IGSF5: variants seen among roughly 807,000 people sequenced by gnomAD.
IGSF5 encodes the protein immunoglobulin superfamily member 5.
IGSF5 carries 41 observed loss-of-function variants against 39.4 expected under a neutral mutation model. That is an observed-to-expected ratio of 1.04 (90% CI 0.81 to 1.35). The LOEUF (loss-of-function observed/expected upper bound fraction) is 1.35, where lower values mean the gene tolerates loss of function less well. IGSF5 is among the 40% of genes most tolerant of loss of function. The pLI is 0.00. For missense variants in IGSF5, 487 were observed against 494.6 expected (o/e 0.98, Z 0.15); for synonymous variants, 183 against 175.3 (o/e 1.04, Z -0.34).
chr21:39,724,481 G>A, the IGSF5 span, among the ~76,000 whole-genome samples: 1 of 152,178 alleles, frequency 6.6e-6, no homozygotes, highest in African/African-American at 2.4e-5. Flanking sequence ...CTGTTCTTGT[G>A]ATAGTGAATA....
At chr21:39,776,224 A>G (rs1473432243) in intron 4 of IGSF5, among the ~76,000 whole-genome samples, 2 of 151,366 alleles carry the variant, frequency 1.3e-5, no homozygotes, top group Non-Finnish European at 1.5e-5. Flanking sequence ...AATATATATT[A>G]TATATGATAA....
At chr21:39,725,832 T>C in the IGSF5 span, 4 of 152,124 alleles carry the variant, frequency 2.6e-5, no homozygotes, top group Non-Finnish European at 1.5e-5. Flanking sequence ...GTTAATTGTG[T>C]TTTAGAGATC....
At chr21:39,774,908 A>G (rs4816657) in intron 4 of IGSF5, among the ~76,000 whole-genome samples, 1 of 152,028 alleles carries the variant, frequency 6.6e-6, no homozygotes, top group African/African-American at 2.4e-5. Flanking sequence ...AAGTCAGCAA[A>G]CTTCAGGGCT....
intron 6 of IGSF5, among the ~76,000 whole-genome samples, chr21:39,789,520 C>A (rs1472048846): frequency 6.6e-6 from 1 of 152,102 alleles, no homozygotes; most frequent in African/African-American, 2.4e-5. Context: ...ATAATCCAAC[C>A]CCACTTGCTT....
In IGSF5 at chr21:39,779,211, G is replaced by T; in HGVS notation, c.840G>T (p.Thr280=). Residue 280 remains threonine, a synonymous_variant, in exon 5 of 9, where the codon ACG becomes ACT. Coordinates refer to ENST00000380588, the MANE Select transcript of IGSF5 (RefSeq NM_001080444.2). ...GLAGTMLLTP[T]CTLTIRCCCC... ...CAGGCACCATGCTTCTGACGCCGACGTGTACTCTTACAATACGCTGCTGCT... is the reference window on the plus strand; with the variant it reads ...CAGGCACCATGCTTCTGACGCCGACTTGTACTCTTACAATACGCTGCTGCT... 6.2e-7 allele frequency: 1 copy of T among 1,614,116 alleles called. No individual in the cohort carries two copies. Among genetic ancestry groups the T allele is most frequent in the Non-Finnish European group, 8.5e-7 (1 of 1,180,020 alleles).
Position 39,765,580 on chromosome 21 carries a change from G to C in IGSF5, c.146G>C (p.Arg49Thr), listed in dbSNP as rs2205204. The change falls in exon 3 of 9, where the codon AGA becomes ACA. Residue 49 changes from arginine to threonine, a missense_variant. Transcript: ENST00000380588. ...NEVIEGPQNA[R>T]VLKGSQARFN... is the part of the protein sequence containing the mutation. ...GTCATAGAAGGCCCCCAAAATGCAAGAGTCCTGAAGGGCTCCCAGGCTCGC... is the reference window on the plus strand; with the variant it reads ...GTCATAGAAGGCCCCCAAAATGCAACAGTCCTGAAGGGCTCCCAGGCTCGC... 0.73 allele frequency: 1,176,505 copies of C among 1,613,162 alleles called. 432,969 individuals are homozygous for C. The highest frequency in any genetic ancestry group is 0.79 in the Admixed American group (47,096 of 59,974).
intron 1 of IGSF5, among the ~76,000 whole-genome samples, chr21:39,745,916 G>C (rs2079971910): frequency 6.6e-6 from 1 of 152,118 alleles, no homozygotes; most frequent in South Asian, 2.1e-4. Flanking sequence ...AATGTTACGG[G>C]GGGTGGGGGG....
the IGSF5 span, among the ~76,000 whole-genome samples, chr21:39,713,906 G>A: frequency 6.6e-6 from 1 of 152,192 alleles, no homozygotes; most frequent in African/African-American, 2.4e-5. Context: ...CAACATACTT[G>A]TTGCATTTTG....
chr21:39,735,400 A>G, the IGSF5 span, among the ~76,000 whole-genome samples: 1 of 152,266 alleles, frequency 6.6e-6, no homozygotes, highest in African/African-American at 2.4e-5. Context: ...AATAGTTGTT[A>G]TTTTCTTCTT....
upstream of IGSF5, among the ~76,000 whole-genome samples, chr21:39,743,513 T>C (rs916869885): frequency 4.6e-5 from 7 of 152,192 alleles, no homozygotes; most frequent in African/African-American, 1.7e-4. Context: ...TCCCGCTGCT[T>C]GGAGGGGGCA....
intron 1 of IGSF5, 91 bp from the exon 2 acceptor site, chr21:39,746,125 G>A (rs1166503187): frequency 1.3e-5 from 9 of 696,350 alleles, no homozygotes; most frequent in Non-Finnish European, 2.1e-5. Flanking sequence ...TGTTTAGCTC[G>A]ATTAGGATGA....
At chr21:39,723,076 G>T in the IGSF5 span, among the ~76,000 whole-genome samples, 2 of 152,190 alleles carry the variant, frequency 1.3e-5, no homozygotes, top group African/African-American at 4.8e-5. Context: ...AACATCACAC[G>T]TTTATTAGGT....
intron 2 of IGSF5, among the ~76,000 whole-genome samples, chr21:39,757,366 A>AT (rs34539484): frequency 0.82 from 123,758 of 151,570 alleles, 50,703 homozygotes; most frequent in Admixed American, 0.86. Flanking sequence ...CATGATCTGC[A>AT]TTTGGTCAGG....
chr21:39,763,574 G>A (rs1252800812), intron 2 of IGSF5, among the ~76,000 whole-genome samples: 2 of 152,128 alleles, frequency 1.3e-5, no homozygotes, highest in African/African-American at 2.4e-5. Context: ...TCAGCACTTC[G>A]CACAAGGCAC....
intron 2 of IGSF5, among the ~76,000 whole-genome samples, chr21:39,764,827 T>C (rs949941241): frequency 6.6e-6 from 1 of 152,188 alleles, no homozygotes; most frequent in Non-Finnish European, 1.5e-5. Context: ...CGGTATGTGG[T>C]CTGCCAGGGT....
chr21:39,744,482 TTCCACAAGAGTCTCCGTA>T (rs1211822630), upstream of IGSF5, among the ~76,000 whole-genome samples: 1 of 152,262 alleles, frequency 6.6e-6, no homozygotes, highest in African/African-American at 2.4e-5. Flanking sequence ...CTAACTCTGC[TTCCACAAGAGTCTCCGTA>T]TCAATTACTG....
intron 6 of IGSF5, among the ~76,000 whole-genome samples, chr21:39,790,677 C>T (rs539926317): frequency 5.8e-4 from 89 of 152,198 alleles, no homozygotes; most frequent in Non-Finnish European, 9.7e-4. Flanking sequence ...ACAACAACAA[C>T]GTCAAAAAAC....
chr21:39,713,346 C>T, the IGSF5 span, among the ~76,000 whole-genome samples: 11,097 of 152,180 alleles, frequency 0.073, 783 homozygotes, highest in East Asian at 0.23. Flanking sequence ...GGGGTCCTGA[C>T]CTGAACCCAG....
chr21:39,737,249 C>G, the IGSF5 span, among the ~76,000 whole-genome samples: 2 of 151,954 alleles, frequency 1.3e-5, no homozygotes, highest in African/African-American at 2.4e-5. Context: ...ACCGTAACAA[C>G]TAGCACAGAC....
Sources: allele counts gnomAD v4.1 joint callset (sites outside exome capture counted in the v4.1 genomes callset), GRCh38; gene constraint gnomAD v4.1.1; transcripts MANE v1.5; gene names NCBI Gene and HGNC (gene_info 2026-07-23, HGNC 2026-07-21).